The following TBC1D22A variants were observed in gnomAD, a reference collection of about 807,000 sequenced individuals.
The protein encoded by TBC1D22A is TBC1 domain family member 22A, also known as putative GTPase activator.
In TBC1D22A, 38 loss-of-function variants were observed where a neutral mutation model predicts 60.2. The ratio of observed to expected loss-of-function variants is 0.63; its 90% confidence interval spans 0.49 to 0.83. The LOEUF (loss-of-function observed/expected upper bound fraction) is 0.83, where lower values mean the gene tolerates loss of function less well. TBC1D22A is among the 40% of genes least tolerant of loss of function. TBC1D22A has a pLI of 0.00. For synonymous variants in TBC1D22A, 302 were observed against 281.7 expected, an observed-to-expected ratio of 1.07 and a Z score of -0.72; for missense variants, 628 against 701.0, an observed-to-expected ratio of 0.90 and a Z score of 1.18.
intron 4 of TBC1D22A, among the ~76,000 whole-genome samples, chr22:46,811,164 G>C (rs960364617): frequency 1.3e-5 from 2 of 152,212 alleles, no homozygotes; most frequent in Non-Finnish European, 2.9e-5. Context: ...TTCAGGCAGT[G>C]GATGGTGACT....
chr22:47,015,730 G>T (rs1480009742), intron 10 of TBC1D22A, among the ~76,000 whole-genome samples: 6 of 152,198 alleles, frequency 3.9e-5, no homozygotes, highest in Non-Finnish European at 8.8e-5. Context: ...AACATCCCTG[G>T]CCACCAGCCG....
intron 10 of TBC1D22A, among the ~76,000 whole-genome samples, chr22:47,033,955 C>T (rs996771445): frequency 6.6e-6 from 1 of 152,114 alleles, no homozygotes; most frequent in African/African-American, 2.4e-5. Context: ...CCTCCTGGCA[C>T]CCCCTTTGGT....
At chr22:46,803,761 G>A (rs930727453) in intron 4 of TBC1D22A, among the ~76,000 whole-genome samples, 3 of 152,216 alleles carry the variant, frequency 2.0e-5, no homozygotes, top group African/African-American at 7.2e-5. Context: ...TGTCAAGGAA[G>A]GCAGCCCCCT....
chr22:47,107,901 A>G (rs1469905690), intron 11 of TBC1D22A, among the ~76,000 whole-genome samples: 1 of 152,262 alleles, frequency 6.6e-6, no homozygotes, highest in Admixed American at 6.5e-5. Context: ...TTATAGATCT[A>G]AAGTAAAACT....
At chr22:46,954,349 G>A (rs1003837936) in intron 8 of TBC1D22A, among the ~76,000 whole-genome samples, 1 of 152,226 alleles carries the variant, frequency 6.6e-6, no homozygotes, top group Non-Finnish European at 1.5e-5. Flanking sequence ...TGAGTACTGC[G>A]GTCAACACTG....
chr22:46,892,207 A>C (rs1384274043), intron 6 of TBC1D22A, among the ~76,000 whole-genome samples: 1 of 152,084 alleles, frequency 6.6e-6, no homozygotes, highest in South Asian at 2.1e-4. Flanking sequence ...TTCCCTCTGC[A>C]AACCCTGCTT....
chr22:46,836,145 C>A (rs2086508738), intron 4 of TBC1D22A, among the ~76,000 whole-genome samples: 1 of 152,104 alleles, frequency 6.6e-6, no homozygotes. Flanking sequence ...TACTCACTGG[C>A]AAAAGTAAGT....
intron 12 of TBC1D22A, among the ~76,000 whole-genome samples, chr22:47,158,127 T>G (rs1246901195): frequency 6.6e-6 from 1 of 152,226 alleles, no homozygotes; most frequent in Non-Finnish European, 1.5e-5. Context: ...GGAGTCAGGC[T>G]GAGGCTCTGG....
At chr22:47,049,619 C>G (rs1260496399) in intron 11 of TBC1D22A, among the ~76,000 whole-genome samples, 1 of 152,198 alleles carries the variant, frequency 6.6e-6, no homozygotes, top group African/African-American at 2.4e-5. Context: ...CTTTTCCATC[C>G]TTTTCTACGA....
intron 12 of TBC1D22A, among the ~76,000 whole-genome samples, chr22:47,145,514 T>C (rs2067256462): frequency 6.6e-6 from 1 of 152,200 alleles, no homozygotes; most frequent in African/African-American, 2.4e-5. Flanking sequence ...AAGATTGAAT[T>C]GCCTTTAAGA....
At chr22:46,945,320 G>C (rs2072464732) in intron 8 of TBC1D22A, among the ~76,000 whole-genome samples, 1 of 152,254 alleles carries the variant, frequency 6.6e-6, no homozygotes, top group South Asian at 2.1e-4. Flanking sequence ...TAGAAACAGA[G>C]GTGATGAAAA....
chr22:47,103,423 C>T (rs1326060407), intron 11 of TBC1D22A, among the ~76,000 whole-genome samples: 3 of 152,086 alleles, frequency 2.0e-5, no homozygotes, highest in African/African-American at 7.2e-5. Context: ...AGCATTCCCT[C>T]GTGGGGCAGC....
intron 11 of TBC1D22A, among the ~76,000 whole-genome samples, chr22:47,057,664 G>C (rs1025144200): frequency 6.6e-6 from 1 of 152,200 alleles, no homozygotes; most frequent in African/African-American, 2.4e-5. Context: ...AGGCAAGAGG[G>C]CGTGTGCAGG....
intron 4 of TBC1D22A, among the ~76,000 whole-genome samples, chr22:46,798,110 T>A (rs1348264507): frequency 6.6e-6 from 1 of 152,132 alleles, no homozygotes; most frequent in Non-Finnish European, 1.5e-5. Flanking sequence ...CTCCTAGGCT[T>A]AAGAGATCCT....
chr22:46,841,078 G>T (rs891760271), intron 4 of TBC1D22A, among the ~76,000 whole-genome samples: 1 of 151,658 alleles, frequency 6.6e-6, no homozygotes, highest in Non-Finnish European at 1.5e-5. Context: ...GTGTGTGAGA[G>T]AGAGAGAGAG....
rs1370738894 is a variant in TBC1D22A, at chr22:47,170,874, GTGTGTAACCCTCCTGATGCA to G, written c.1426-2623_1426-2604del. Among the ~76,000 whole-genome samples, 206 of 150,214 alleles carry G rather than the reference GTGTGTAACCCTCCTGATGCA, an allele frequency of 1.4e-3. 69 individuals are homozygous for G. The highest frequency in any genetic ancestry group is 1.6e-3 in the African/African-American group (64 of 40,780). On this transcript the variant is annotated intron_variant, in intron 12 of 12. Transcript: ENST00000337137. ...CAGGACCGGAGAGAGGACAGTCCTG[GTGTGTAACCCTCCTGATGCA>G]GGACCGGAGAGAGGGCAGTCCTGGT...
At chr22:46,934,894 C>T (rs1375793979) in intron 8 of TBC1D22A, among the ~76,000 whole-genome samples, 5 of 152,142 alleles carry the variant, frequency 3.3e-5, no homozygotes, top group Admixed American at 1.3e-4. Context: ...GTGGCCACAG[C>T]GTTTTCACAA....
chr22:47,015,600 A>G (rs906329894), intron 10 of TBC1D22A, among the ~76,000 whole-genome samples: 2 of 152,178 alleles, frequency 1.3e-5, no homozygotes, highest in Non-Finnish European at 2.9e-5. Context: ...CCACACACAT[A>G]TAATTGTTCT....
intron 7 of TBC1D22A, among the ~76,000 whole-genome samples, chr22:46,904,096 A>AATCTATCTATCTATCT (rs748640215): frequency 2.7e-4 from 29 of 106,916 alleles, no homozygotes; most frequent in South Asian, 1.1e-3. Context: ...ATCTAAATAA[A>AATCTATCTATCTATCT]ATCTATCTAT....
Sources: gnomAD v4.1 joint callset for allele counts (sites outside exome capture counted in the v4.1 genomes callset) on GRCh38, gnomAD v4.1.1 for gene constraint, MANE v1.5 for transcripts, NCBI Gene and HGNC (gene_info 2026-07-23, HGNC 2026-07-21) for gene names.